The following NELFCD variants were observed in gnomAD, a reference collection of about 807,000 sequenced individuals.
NELFCD encodes negative elongation factor C/D.
NELFCD carries 48 observed loss-of-function variants against 72.9 expected under a neutral mutation model. That is an observed-to-expected ratio of 0.66 (90% CI 0.52 to 0.84). NELFCD has a LOEUF of 0.84. Ranked by LOEUF, NELFCD falls within the 40% of genes least tolerant of loss-of-function variation. The pLI is 0.00. For missense variants in NELFCD, 538 were observed against 723.8 expected, an observed-to-expected ratio of 0.74 and a Z score of 2.94; for synonymous variants, 297 against 280.6, an observed-to-expected ratio of 1.06 and a Z score of -0.59.
rs192858717 is a variant in NELFCD, at chr20:58,988,181, G to A, written c.396+364G>A. On this transcript the variant is annotated intron_variant, in intron 4 of 14. Transcript: ENST00000652272. Reference sequence around the variant, plus strand: ...GGCCTGCAGGAGATGATGGGGAAGCGACTATGAGGGAAGATGGGGTAGGGC... The same window carrying A: ...GGCCTGCAGGAGATGATGGGGAAGCAACTATGAGGGAAGATGGGGTAGGGC... Among the ~76,000 whole-genome samples, 286 of 152,312 alleles carry A rather than the reference G, an allele frequency of 1.9e-3. 1 individual carries two copies. Among genetic ancestry groups the A allele is most frequent in the African/African-American group, 6.6e-3 (274 of 41,570 alleles).
intron 3 of NELFCD, chr20:58,987,242 T>C (rs778529123): frequency 3.8e-6 from 1 of 259,892 alleles, no homozygotes; most frequent in Non-Finnish European, 7.3e-6. Context: ...TTTTAGTTAA[T>C]ATGATCAAAG....
intron 4 of NELFCD, 67 bp from the exon 5 acceptor site, chr20:58,988,847 A>G (rs1227879418): frequency 1.7e-6 from 2 of 1,168,168 alleles, no homozygotes; most frequent in African/African-American, 3.0e-5. Flanking sequence ...TCGTTTATAC[A>G]ACAGAATCTC....
intron 7 of NELFCD, chr20:58,990,261 G>T (rs1244792306): frequency 2.6e-6 from 1 of 390,344 alleles, no homozygotes; most frequent in Non-Finnish European, 4.8e-6. Context: ...TTAGCCGGGT[G>T]TGGCGGCACA....
At chr20:58,990,587 TAACA>T (rs752167868) in intron 7 of NELFCD, 57 of 239,018 alleles carry the variant, frequency 2.4e-4, no homozygotes, top group Middle Eastern at 1.5e-3. Context: ...GGTTCTGAAG[TAACA>T]AACAAAGTCA....
chr20:58,989,319 C>G, intron 5 of NELFCD, 169 bp from the exon 6 acceptor site: 1 of 769,830 alleles, frequency 1.3e-6, no homozygotes. Context: ...GAGAGGTGGT[C>G]AGCCCAGGGC....
chr20:58,992,086 T>TA, intron 10 of NELFCD, 66 bp downstream of exon 10: 2 of 1,475,606 alleles, frequency 1.4e-6, no homozygotes, highest in Non-Finnish European at 1.8e-6. Context: ...AGTTTTCATA[T>TA]TGAAAGCTCA....
intron 1 of NELFCD, among the ~76,000 whole-genome samples, chr20:58,981,846 T>C (rs1461485493): frequency 2.0e-5 from 3 of 152,228 alleles, no homozygotes; most frequent in Admixed American, 6.5e-5. Flanking sequence ...CTTTACTGTT[T>C]TATAAACTGT....
Position 58,991,307 on chromosome 20 carries a change from C to T in NELFCD, c.955-5C>T, listed in dbSNP as rs373374728. The T allele has an allele frequency of 2.5e-6, 4 of 1,614,206 alleles. No individual in the cohort carries two copies. In the East Asian group the frequency reaches 6.7e-5, roughly 27 times the overall value. On this transcript the variant is annotated splice_region_variant and splice_polypyrimidine_tract_variant and intron_variant, in intron 8 of 14. Transcript: ENST00000652272. Reference sequence around the variant, plus strand: ...ATCCCGAACTGGGCATATGCTTCTCCTCAGATCCGCGTTCCAGCCTTCCTG... The same window carrying T: ...ATCCCGAACTGGGCATATGCTTCTCTTCAGATCCGCGTTCCAGCCTTCCTG...
Position 58,993,651 on chromosome 20 carries a change from A to T in NELFCD, c.1468A>T (p.Arg490Trp). ...QLELKKTLLD[R>W]MVHLLSRGYV... ...TGAGTTGAAGAAGACACTGCTGGAC[A>T]GGATGGTTCACCTGCTGAGTCGAGG... The change falls in exon 13 of 15, where the codon AGG becomes TGG. Residue 490 changes from arginine to tryptophan, a missense_variant. Coordinates refer to ENST00000652272, the MANE Select transcript of NELFCD (RefSeq NM_198976.4). This position sits in a 1 kb window ranked among gnomAD's most constrained non-coding sequence, Gnocchi z 5.0. 6.2e-7 allele frequency: 1 copy of T among 1,614,224 alleles called. No individual in the cohort carries two copies. Among genetic ancestry groups the T allele is most frequent in the Non-Finnish European group, 8.5e-7 (1 of 1,180,040 alleles).
At position 58,994,750 on chromosome 20, in the gene NELFCD, T is replaced by G; in HGVS notation, c.*74T>G. On this transcript the variant is annotated 3_prime_UTR_variant, in exon 15 of 15. Coordinates refer to ENST00000652272, the MANE Select transcript of NELFCD (RefSeq NM_198976.4). ...GGAAAAACCCTTTCAAGAAGCTGTT[T>G]TAAGAGGCTCGGGCAGCGTCTTGAA... is the stretch of plus-strand genomic sequence containing the variant. The G allele has an allele frequency of 7.6e-7, 1 of 1,317,236 alleles. No homozygotes were observed. The highest frequency in any genetic ancestry group is 2.3e-5 in the East Asian group (1 of 43,512). The allele number at this position is 1,317,236 out of a possible 1,614,324, so 81.6% of individuals were successfully genotyped here. A position where few individuals can be genotyped will look rare whatever the true frequency, so the allele number is the denominator to read the frequency against.
chr20:58,981,633 C>A (rs973276763), intron 1 of NELFCD, among the ~76,000 whole-genome samples: 4 of 151,222 alleles, frequency 2.6e-5, no homozygotes, highest in African/African-American at 7.2e-5. Context: ...GAGGCTCTGG[C>A]GCGGGGCGGC....
intron 10 of NELFCD, among the ~76,000 whole-genome samples, chr20:58,992,501 C>T (rs988214875): frequency 6.6e-6 from 1 of 152,202 alleles, no homozygotes; most frequent in Non-Finnish European, 1.5e-5. Context: ...CATTAATGAT[C>T]TTTTCCTTTC....
chr20:58,983,743 G>A (rs1196552416), intron 1 of NELFCD, among the ~76,000 whole-genome samples: 1 of 151,988 alleles, frequency 6.6e-6, no homozygotes, highest in Non-Finnish European at 1.5e-5. Flanking sequence ...GAGGCTTTGA[G>A]TCATAAAGTG....
In NELFCD at chr20:58,989,016, G is replaced by A; in HGVS notation, c.499G>A (p.Val167Ile). The change falls in exon 5 of 15, where the codon GTT becomes ATT. Residue 167 changes from valine to isoleucine, a missense_variant. By Grantham distance (29) the Val-to-Ile change is conservative. Transcript: ENST00000652272. ...AGACTGTTTGATGCTGAACTTCACC[G>A]TTAAGGTAGGAAGAGTTCTAGAGTT... is the stretch of plus-strand genomic sequence containing the variant. ...HPDCLMLNFT[V>I]KLISDAGYQG... 6.2e-7 allele frequency: 1 copy of A among 1,607,116 alleles called. No homozygotes were observed. The highest frequency in any genetic ancestry group is 8.5e-7 in the Non-Finnish European group (1 of 1,173,578).
At chr20:58,987,160 G>A (rs2091778640) in intron 3 of NELFCD, 2 of 334,206 alleles carry the variant, frequency 6.0e-6, no homozygotes, top group Middle Eastern at 1.7e-3. Flanking sequence ...TGTGTTCAGT[G>A]TGTCATTTTC....
At chr20:58,987,875 TG>T in intron 4 of NELFCD, 58 bp downstream of exon 4, 1 of 1,292,838 alleles carries the variant, frequency 7.7e-7, no homozygotes, top group Non-Finnish European at 1.1e-6. Context: ...GCAAATTCCC[TG>T]TGTACAGTGG....
At position 58,988,934 on chromosome 20, in the gene NELFCD, G is replaced by A. The variant is rs763030830; in HGVS notation, c.417G>A (p.Gln139=). The A allele has an allele frequency of 6.2e-7, 1 of 1,614,146 alleles. No homozygotes were observed. The highest frequency in any genetic ancestry group is 8.5e-7 in the Non-Finnish European group (1 of 1,179,964). The change falls in exon 5 of 15, where the codon CAG becomes CAA. Residue 139 remains glutamine (Q), a synonymous_variant. Transcript: ENST00000652272. The part of the protein sequence containing the change: ...EEGETPAWLE[Q]MIAHTTWRDL... ...GGCAGACCCCAGCGTGGCTGGAACAGATGATTGCACATACCACGTGGCGGG... is the reference window on the plus strand; with the variant it reads ...GGCAGACCCCAGCGTGGCTGGAACAAATGATTGCACATACCACGTGGCGGG...
In NELFCD at chr20:58,986,895, T is replaced by A. The variant is rs1157693031; in HGVS notation, c.286+32T>A. 7.1e-7 allele frequency: 1 copy of A among 1,401,054 alleles called. No individual in the cohort carries two copies. 86.8% of individuals were successfully genotyped at this position (1,401,054 alleles called of 1,614,324 possible). On this transcript the variant is annotated intron_variant, in intron 3 of 14. Transcript: ENST00000652272. The surrounding 1 kb of genome is among the most constrained non-coding windows in gnomAD (Gnocchi z 4.4). ...TGTGGGTGTCCCCTGTCCTGGCTAG[T>A]TACCCCCACTTTTTTAAAAATAGAC...
Position 58,981,302 on chromosome 20 carries a change from G to A in NELFCD, c.-8G>A, listed in dbSNP as rs2091729367. 3.7e-6 allele frequency: 4 copies of A among 1,081,756 alleles called. No individual in the cohort carries two copies. The highest frequency in any genetic ancestry group is 4.5e-6 in the Non-Finnish European group (4 of 889,526). The allele number at this position is 1,081,756 out of a possible 1,614,324, so 67.0% of individuals were successfully genotyped here. On this transcript the variant is annotated 5_prime_UTR_variant, in exon 1 of 15. Coordinates refer to ENST00000652272, the MANE Select transcript of NELFCD (RefSeq NM_198976.4). Reference sequence around the variant, plus strand: ...GAGGGCATGGCGGGGGCCGTGCCGGGCGCCATCATGGACGAGGACTACTAC... The same window carrying A: ...GAGGGCATGGCGGGGGCCGTGCCGGACGCCATCATGGACGAGGACTACTAC...
Sources: allele counts gnomAD v4.1 joint callset (sites outside exome capture counted in the v4.1 genomes callset), GRCh38; gene constraint gnomAD v4.1.1; non-coding constraint Gnocchi (gnomAD v3.1); transcripts MANE v1.5; gene names NCBI Gene and HGNC (gene_info 2026-07-23, HGNC 2026-07-21).